Variants in ZBTB7C observed in about 807,000 individuals in gnomAD.
ZBTB7C encodes the protein zinc finger and BTB domain-containing protein 7C.
In ZBTB7C, 8 loss-of-function variants were observed where a neutral mutation model predicts 25.7. The ratio of observed to expected loss-of-function variants is 0.31; its 90% CI spans 0.18 to 0.56. ZBTB7C has a LOEUF of 0.56. ZBTB7C is among the 20% of genes least tolerant of loss of function. The pLI, the probability that ZBTB7C is intolerant of heterozygous loss-of-function variation, is 0.91. For missense variants in ZBTB7C, 824 were observed against 855.2 expected, an observed-to-expected ratio of 0.96 and a Z score of 0.46; for synonymous variants, 394 against 369.0, an observed-to-expected ratio of 1.07 and a Z score of -0.78.
intron 3 of ZBTB7C, among the ~76,000 whole-genome samples, chr18:48,140,676 T>A (rs1009455582): frequency 9.2e-5 from 14 of 151,876 alleles, no homozygotes; most frequent in Non-Finnish European, 1.6e-4. Flanking sequence ...GAGAGGGAGG[T>A]TGGCCTTTGC....
chr18:48,284,095 C>T (rs145118487), intron 2 of ZBTB7C, among the ~76,000 whole-genome samples: 30 of 151,778 alleles, frequency 2.0e-4, no homozygotes, highest in Non-Finnish European at 4.0e-4. Flanking sequence ...TGCAATGAGC[C>T]GAGATTGCAC....
intron 2 of ZBTB7C, among the ~76,000 whole-genome samples, chr18:48,236,872 A>G (rs1279019477): frequency 2.6e-5 from 4 of 152,220 alleles, no homozygotes; most frequent in Admixed American, 6.5e-5. Flanking sequence ...TTTGCAGAGG[A>G]AATTTAATAT....
intron 1 of ZBTB7C, among the ~76,000 whole-genome samples, chr18:48,354,468 G>C (rs2046932978): frequency 6.6e-6 from 1 of 152,154 alleles, no homozygotes; most frequent in South Asian, 2.1e-4. Context: ...ACTTGACTTG[G>C]AAACAGGAAA....
chr18:48,314,827 G>C (rs763120959), intron 2 of ZBTB7C, among the ~76,000 whole-genome samples: 4 of 152,088 alleles, frequency 2.6e-5, no homozygotes, highest in Non-Finnish European at 5.9e-5. Context: ...TGCCCGCCCC[G>C]ACCCTGGCTT....
chr18:48,350,765 G>A lies in ZBTB7C; in HGVS notation c.-303-12367C>T, dbSNP rs149239621. ...TTTATGCCTAAAGCAATAGCAGTATGTATAATTTTTACACCCATGGTACAG... is the reference window on the plus strand; with the variant it reads ...TTTATGCCTAAAGCAATAGCAGTATATATAATTTTTACACCCATGGTACAG... On this transcript the variant is annotated intron_variant, in intron 1 of 4. Coordinates refer to ENST00000590800, the MANE Select transcript of ZBTB7C (RefSeq NM_001318841.2). Among the ~76,000 whole-genome samples, 7 of 152,234 alleles carry A rather than the reference G, an allele frequency of 4.6e-5. No individual in the cohort carries two copies. In the East Asian group the frequency reaches 7.7e-4, roughly 17 times the overall value.
chr18:48,091,735 C>A (rs144950492), intron 3 of ZBTB7C, among the ~76,000 whole-genome samples: 8 of 152,306 alleles, frequency 5.3e-5, no homozygotes, highest in African/African-American at 1.9e-4. Context: ...CCTGACAGGA[C>A]CCTACTGATG....
chr18:48,220,594 T>C (rs7230756), intron 2 of ZBTB7C, among the ~76,000 whole-genome samples: 1,738 of 152,250 alleles, frequency 0.011, 39 homozygotes, highest in African/African-American at 0.04. Flanking sequence ...AATAGCAATA[T>C]TTAGCTTTTA....
chr18:48,273,551 T>A (rs2044552521), intron 2 of ZBTB7C, among the ~76,000 whole-genome samples: 1 of 152,108 alleles, frequency 6.6e-6, no homozygotes, highest in Non-Finnish European at 1.5e-5. Context: ...TAGTAAAAAC[T>A]ACATAATAGT....
rs553917989 is a variant in ZBTB7C at position 48,144,374 on chromosome 18, C to T, written c.-17+41560G>A. Among the ~76,000 whole-genome samples, 5 of 152,064 alleles carry T rather than the reference C, an allele frequency of 3.3e-5. No homozygotes were observed. In the East Asian group the frequency reaches 9.7e-4, roughly 29 times the overall value. On this transcript the variant is annotated intron_variant, in intron 3 of 4. Transcript: ENST00000590800. ...ATTTTATTTTTTTTAGACAGGGTCTCACTTTGTCACCCAGGCTGGAGTGCA... is the reference window on the plus strand; with the variant it reads ...ATTTTATTTTTTTTAGACAGGGTCTTACTTTGTCACCCAGGCTGGAGTGCA...
chr18:48,340,481 T>C (rs983853116), intron 1 of ZBTB7C, among the ~76,000 whole-genome samples: 43 of 152,188 alleles, frequency 2.8e-4, no homozygotes, highest in African/African-American at 9.9e-4. Context: ...TGGATCCTTG[T>C]TCAGCCTTGG....
At chr18:48,383,964 G>T (rs2047690432) in intron 1 of ZBTB7C, among the ~76,000 whole-genome samples, 1 of 152,212 alleles carries the variant, frequency 6.6e-6, no homozygotes, top group Admixed American at 6.5e-5. Context: ...TAACTTTAGG[G>T]ATCAGAACTA....
intron 2 of ZBTB7C, among the ~76,000 whole-genome samples, chr18:48,253,021 C>T (rs2043913510): frequency 6.6e-6 from 1 of 152,138 alleles, no homozygotes; most frequent in African/African-American, 2.4e-5. Flanking sequence ...ATTGTATAGA[C>T]CTATAGAATA....
intron 2 of ZBTB7C, among the ~76,000 whole-genome samples, chr18:48,221,596 C>A (rs2042959615): frequency 6.7e-6 from 1 of 150,340 alleles, no homozygotes; most frequent in East Asian, 2.0e-4. Context: ...CTGTCTCAGT[C>A]TCCTCTATAC....
At chr18:48,296,618 C>G (rs927016426) in intron 2 of ZBTB7C, among the ~76,000 whole-genome samples, 1 of 152,236 alleles carries the variant, frequency 6.6e-6, no homozygotes, top group African/African-American at 2.4e-5. Flanking sequence ...TCCCACAGCA[C>G]GTTCCCGAGT....
intron 2 of ZBTB7C, among the ~76,000 whole-genome samples, chr18:48,245,090 G>GTATATATATATATATATATATATATA (rs138848813): frequency 1.5e-4 from 16 of 110,182 alleles, no homozygotes; most frequent in African/African-American, 4.5e-4. Context: ...GTGTGTGTGT[G>GTATATATATATATATATATATATATA]TGTATATATA....
At chr18:48,349,121 T>C (rs1466662051) in intron 1 of ZBTB7C, among the ~76,000 whole-genome samples, 1 of 152,208 alleles carries the variant, frequency 6.6e-6, no homozygotes, top group Non-Finnish European at 1.5e-5. Context: ...GGCTGGCTGG[T>C]GGCTGGCAGG....
At chr18:48,361,465 T>C (rs986468111) in intron 1 of ZBTB7C, among the ~76,000 whole-genome samples, 1 of 152,122 alleles carries the variant, frequency 6.6e-6, no homozygotes, top group Non-Finnish European at 1.5e-5. Context: ...AACATAGAAA[T>C]CTAATGCACT....
chr18:48,304,061 A>G (rs1051864897), intron 2 of ZBTB7C, among the ~76,000 whole-genome samples: 1 of 152,130 alleles, frequency 6.6e-6, no homozygotes, highest in African/African-American at 2.4e-5. Flanking sequence ...TCCCCTGGCA[A>G]GTGGGTGACA....
intron 1 of ZBTB7C, among the ~76,000 whole-genome samples, chr18:48,368,536 A>G (rs1177614226): frequency 6.6e-6 from 1 of 152,210 alleles, no homozygotes; most frequent in Non-Finnish European, 1.5e-5. Context: ...AAGGTGCTCA[A>G]TAGTAGAAAA....
Sources: gnomAD v4.1 joint callset for allele counts (sites outside exome capture counted in the v4.1 genomes callset) on GRCh38, gnomAD v4.1.1 for gene constraint, MANE v1.5 for transcripts, NCBI Gene and HGNC (gene_info 2026-07-23, HGNC 2026-07-21) for gene names.